The following MTUS2 variants were observed in gnomAD, a reference collection of about 807,000 sequenced individuals.
The protein encoded by MTUS2 is microtubule associated scaffold protein 2.
MTUS2 carries 40 observed loss-of-function variants against 114.1 expected under a neutral mutation model. The observed-to-expected ratio is 0.35, with a 90% CI of 0.27 to 0.46. The LOEUF (loss-of-function observed/expected upper bound fraction) is 0.46. Ranked by LOEUF, MTUS2 falls within the 20% of genes least tolerant of loss-of-function variation. The probability of loss-of-function intolerance (pLI) is 1.00; values close to 1 mark genes in which losing one functional copy is unlikely to be tolerated. For synonymous variants in MTUS2, 688 were observed against 672.0 expected (o/e 1.02, Z -0.37); for missense variants, 1,679 against 1,705.4 (o/e 0.98, Z 0.27).
At chr13:29,222,126 T>A (rs577167193) in intron 5 of MTUS2, among the ~76,000 whole-genome samples, 73 of 152,326 alleles carry the variant, frequency 4.8e-4, no homozygotes, top group African/African-American at 1.7e-3. Flanking sequence ...TTTATTTGAT[T>A]TTTTACAGAA....
At chr13:28,885,016 A>G (rs1053214731) in intron 2 of MTUS2, among the ~76,000 whole-genome samples, 1 of 152,012 alleles carries the variant, frequency 6.6e-6, no homozygotes, top group Non-Finnish European at 1.5e-5. Flanking sequence ...TTTTTAAGGT[A>G]AGGGTCCACT....
At chr13:29,159,349 A>G (rs1238312943) in intron 5 of MTUS2, among the ~76,000 whole-genome samples, 3 of 152,198 alleles carry the variant, frequency 2.0e-5, no homozygotes, top group African/African-American at 7.2e-5. Flanking sequence ...CTATATATAC[A>G]CATAGACACA....
rs988150276 is a variant in MTUS2, at chr13:29,372,855, A to T, written c.3117+13382A>T. Among the ~76,000 whole-genome samples, 25 of 152,310 alleles carry T rather than the reference A, an allele frequency of 1.6e-4. 1 individual carries two copies. Among genetic ancestry groups the T allele is most frequent in the African/African-American group, 5.8e-4 (24 of 41,572 alleles). On this transcript the variant is annotated intron_variant, in intron 8 of 15. Transcript: ENST00000612955. ...CAGTTGAGTTCCAGTTCAGGGTAAG[A>T]GGGAGGAAGCACACTCCACCCTTCT... is the stretch of plus-strand genomic sequence containing the variant.
chr13:28,821,988 T>C (rs1018671382), intron 1 of MTUS2, among the ~76,000 whole-genome samples: 5 of 152,210 alleles, frequency 3.3e-5, no homozygotes, highest in African/African-American at 1.2e-4. Flanking sequence ...ATATATTTCA[T>C]TTGCAGAAGT....
chr13:29,155,030 T>G (rs534136256), intron 5 of MTUS2, among the ~76,000 whole-genome samples: 33 of 152,334 alleles, frequency 2.2e-4, no homozygotes, highest in Non-Finnish European at 4.0e-4. Flanking sequence ...CAACCTGAGC[T>G]CATAGGCGTC....
In MTUS2 at chr13:29,505,888, G is replaced by A. The variant is rs1883208723; in HGVS notation, c.*2682G>A. On this transcript the variant is annotated 3_prime_UTR_variant, in exon 16 of 16. Coordinates refer to ENST00000612955, the MANE Select transcript of MTUS2 (RefSeq NM_001033602.4). Reference sequence around the variant, plus strand: ...CAACATCCCTTTTCCTGCCCCTACAGTTTGTGTTGCATATTTGTGTTTAAA... The same window carrying A: ...CAACATCCCTTTTCCTGCCCCTACAATTTGTGTTGCATATTTGTGTTTAAA... The A allele has an allele frequency of 8.9e-6, 2 of 225,870 alleles. No individual in the cohort carries two copies. Among genetic ancestry groups the A allele is most frequent in the Non-Finnish European group, 1.8e-5 (2 of 113,558 alleles). 14.0% of individuals were successfully genotyped at this position (225,870 alleles called of 1,614,324 possible). A position where few individuals can be genotyped will look rare whatever the true frequency, so the allele number is the denominator to read the frequency against.
At chr13:29,270,287 G>C (rs1897833047) in intron 5 of MTUS2, among the ~76,000 whole-genome samples, 1 of 152,118 alleles carries the variant, frequency 6.6e-6, no homozygotes, top group Admixed American at 6.5e-5. Flanking sequence ...ACCATGTGTT[G>C]AAAGATTCAT....
At chr13:28,957,812 C>T (rs914435314) in intron 2 of MTUS2, among the ~76,000 whole-genome samples, 22 of 152,190 alleles carry the variant, frequency 1.4e-4, no homozygotes, top group African/African-American at 3.6e-4. Context: ...TTGGGAACCA[C>T]GTCTTTTCTC....
At chr13:29,392,451 C>T (rs1212217007) in intron 8 of MTUS2, among the ~76,000 whole-genome samples, 1 of 152,118 alleles carries the variant, frequency 6.6e-6, no homozygotes, top group Admixed American at 6.6e-5. Context: ...GCTGAACTCC[C>T]GACTCACAGG....
intron 2 of MTUS2, among the ~76,000 whole-genome samples, chr13:28,912,315 G>A (rs1880488305): frequency 6.6e-6 from 1 of 152,070 alleles, no homozygotes; most frequent in African/African-American, 2.4e-5. Flanking sequence ...AAGATCAGAT[G>A]GCTGTAGGTG....
At chr13:29,434,709 G>T (rs1566198131) in intron 8 of MTUS2, among the ~76,000 whole-genome samples, 1 of 152,170 alleles carries the variant, frequency 6.6e-6, no homozygotes, top group Admixed American at 6.5e-5. Flanking sequence ...ATTACCACCA[G>T]CTTCACGGGG....
intron 4 of MTUS2, among the ~76,000 whole-genome samples, chr13:29,041,121 G>A (rs9783547): frequency 0.028 from 4,228 of 152,210 alleles, 170 homozygotes; most frequent in African/African-American, 0.094. Context: ...TCCATCTTGA[G>A]TTAATTTTTG....
At chr13:29,019,227 G>T (rs893979978) in intron 2 of MTUS2, among the ~76,000 whole-genome samples, 5 of 152,172 alleles carry the variant, frequency 3.3e-5, no homozygotes, top group African/African-American at 1.2e-4. Context: ...GCAGGGACTG[G>T]TGGGAAGAGG....
At chr13:29,281,513 T>C (rs1543660) in intron 5 of MTUS2, among the ~76,000 whole-genome samples, 191 bp from the exon 6 acceptor site, 8,404 of 151,976 alleles carry the variant, frequency 0.055, 522 homozygotes, top group East Asian at 0.28. Context: ...GTGACAGATA[T>C]TTATGCAGTG....
At chr13:29,333,307 C>G (rs889094850) in intron 7 of MTUS2, among the ~76,000 whole-genome samples, 5 of 152,044 alleles carry the variant, frequency 3.3e-5, no homozygotes, top group African/African-American at 1.2e-4. Context: ...AAGTGATTCT[C>G]CTGCCTCAGC....
chr13:29,082,193 A>G (rs148251479), intron 4 of MTUS2, among the ~76,000 whole-genome samples: 3 of 152,308 alleles, frequency 2.0e-5, no homozygotes, highest in East Asian at 3.9e-4. Flanking sequence ...TCTGCAAGCT[A>G]GAAAGAGGGC....
At chr13:29,213,881 T>C (rs1895559883) in intron 5 of MTUS2, among the ~76,000 whole-genome samples, 1 of 152,186 alleles carries the variant, frequency 6.6e-6, no homozygotes, top group Non-Finnish European at 1.5e-5. Context: ...GTTCTTTCTT[T>C]TCTTTTGTTT....
intron 9 of MTUS2, among the ~76,000 whole-genome samples, chr13:29,470,093 T>C (rs1475076213): frequency 1.3e-5 from 2 of 152,110 alleles, no homozygotes; most frequent in Non-Finnish European, 2.9e-5. Context: ...ATCTCAAATA[T>C]CCTTTCACAA....
At chr13:29,406,383 G>A (rs1015745051) in intron 8 of MTUS2, among the ~76,000 whole-genome samples, 4 of 152,132 alleles carry the variant, frequency 2.6e-5, no homozygotes, top group African/African-American at 9.7e-5. Context: ...ACTGGGGCTG[G>A]AGAATTCTCC....
Sources: allele counts gnomAD v4.1 joint callset (sites outside exome capture counted in the v4.1 genomes callset), GRCh38; gene constraint gnomAD v4.1.1; transcripts MANE v1.5; gene names NCBI Gene and HGNC (gene_info 2026-07-23, HGNC 2026-07-21).